RAB38: variants seen among roughly 807,000 people sequenced by gnomAD.
The protein encoded by RAB38 is ras-related protein Rab-38.
A neutral mutation model predicts 18.4 loss-of-function variants in RAB38; 15 were observed. The observed-to-expected ratio is 0.82, with a 90% CI of 0.55 to 1.26. The LOEUF (loss-of-function observed/expected upper bound fraction) is 1.26. RAB38 is among the 50% of genes most tolerant of loss of function. RAB38 has a pLI of 0.00. For missense variants in RAB38, 294 were observed against 267.4 expected, an observed-to-expected ratio of 1.10 and a Z score of -0.69; for synonymous variants, 101 against 104.4, an observed-to-expected ratio of 0.97 and a Z score of 0.20.
the RAB38 span, among the ~76,000 whole-genome samples, chr11:87,943,248 C>G: frequency 6.6e-6 from 1 of 152,130 alleles, no homozygotes; most frequent in Non-Finnish European, 1.5e-5. Flanking sequence ...GATTTGTTCA[C>G]TGTAGACCAT....
chr11:87,945,615 C>CAATT, the RAB38 span, among the ~76,000 whole-genome samples: 1 of 152,070 alleles, frequency 6.6e-6, no homozygotes, highest in Non-Finnish European at 1.5e-5. Flanking sequence ...AAGCCCATGC[C>CAATT]AATTAATTCA....
the RAB38 span, among the ~76,000 whole-genome samples, chr11:87,849,381 A>G: frequency 1.3e-5 from 2 of 152,130 alleles, no homozygotes; most frequent in East Asian, 3.8e-4. Context: ...CCATATATAG[A>G]ATTGGCAGCT....
the RAB38 span, among the ~76,000 whole-genome samples, chr11:87,922,411 C>G: frequency 6.6e-6 from 1 of 151,932 alleles, no homozygotes; most frequent in South Asian, 2.1e-4. Context: ...TCATGGAGAT[C>G]TAGTTTTTGT....
chr11:87,856,345 T>C, the RAB38 span, among the ~76,000 whole-genome samples: 1 of 152,178 alleles, frequency 6.6e-6, no homozygotes, highest in East Asian at 1.9e-4. Context: ...TTTTTAAAGA[T>C]GGAGGCAACA....
At chr11:87,911,392 C>T in the RAB38 span, among the ~76,000 whole-genome samples, 8 of 152,018 alleles carry the variant, frequency 5.3e-5, no homozygotes, top group East Asian at 2.0e-4. Context: ...TTTGAGTCTC[C>T]GAGTCCTTGA....
chr11:87,851,876 T>A, the RAB38 span, among the ~76,000 whole-genome samples: 2 of 151,948 alleles, frequency 1.3e-5, no homozygotes, highest in African/African-American at 4.8e-5. Flanking sequence ...GGTCTGAAAA[T>A]CAAACTAACA....
chr11:88,063,763 G>T, the RAB38 span, among the ~76,000 whole-genome samples: 1 of 152,140 alleles, frequency 6.6e-6, no homozygotes. Flanking sequence ...ATGCTCTCTT[G>T]CCTGCCATCA....
chr11:88,057,888 A>G, the RAB38 span, among the ~76,000 whole-genome samples: 1 of 151,978 alleles, frequency 6.6e-6, no homozygotes, highest in East Asian at 1.9e-4. Flanking sequence ...AACAGGAGGT[A>G]AAAATAACAG....
chr11:88,104,191 T>C, the RAB38 span, among the ~76,000 whole-genome samples: 12 of 152,234 alleles, frequency 7.9e-5, no homozygotes, highest in South Asian at 1.2e-3. Context: ...GCCATAGAAG[T>C]GGCGGCTTTT....
At chr11:87,940,042 G>C in the RAB38 span, among the ~76,000 whole-genome samples, 4 of 151,684 alleles carry the variant, frequency 2.6e-5, no homozygotes, top group Non-Finnish European at 4.4e-5. Flanking sequence ...CAGAAAAACA[G>C]TAGAAAAGAT....
the RAB38 span, among the ~76,000 whole-genome samples, chr11:87,932,461 C>G: frequency 5.3e-5 from 8 of 152,134 alleles, no homozygotes; most frequent in South Asian, 1.5e-3. Flanking sequence ...CATGGTGACT[C>G]TGCATGCTTA....
intron 1 of RAB38, among the ~76,000 whole-genome samples, chr11:88,169,612 T>G (rs1461129718): frequency 6.6e-6 from 1 of 152,152 alleles, no homozygotes; most frequent in Non-Finnish European, 1.5e-5. Context: ...CAAAGGAGAC[T>G]GAATTAGAGG....
the RAB38 span, among the ~76,000 whole-genome samples, chr11:88,059,610 T>C: frequency 6.6e-6 from 1 of 152,236 alleles, no homozygotes; most frequent in South Asian, 2.1e-4. Flanking sequence ...GTTTCAGTAT[T>C]TCTGTGAGAC....
chr11:87,853,288 T>A, the RAB38 span, among the ~76,000 whole-genome samples: 4 of 152,264 alleles, frequency 2.6e-5, no homozygotes, highest in South Asian at 4.2e-4. Context: ...GGTGGAGCCT[T>A]TGGGAGGCAA....
the RAB38 span, among the ~76,000 whole-genome samples, chr11:87,964,459 T>C: frequency 1.1e-4 from 16 of 152,152 alleles, no homozygotes; most frequent in Non-Finnish European, 2.4e-4. Context: ...TCTGCCCCTG[T>C]TGACTGGCCA....
In RAB38 at chr11:88,175,361, G is replaced by A; in HGVS notation, c.24C>T (p.His8=). 6 of 1,614,178 alleles carry A rather than the reference G, an allele frequency of 3.7e-6. No individual in the cohort carries two copies. The highest frequency in any genetic ancestry group is 2.2e-5 in the East Asian group (1 of 44,886). The part of the protein sequence containing the change: MQAPHKE[H]LYKLLVIGDL... ...CGCCAATCACCAGCAACTTGTACAG[G>A]TGCTCCTTGTGCGGGGCCTGCATCC... The change falls in exon 1 of 3, where the codon CAC becomes CAT. Residue 8 remains histidine (H), a synonymous_variant. Coordinates refer to ENST00000243662, the MANE Select transcript of RAB38 (RefSeq NM_022337.3).
chr11:87,940,602 C>CTA, the RAB38 span, among the ~76,000 whole-genome samples: 3 of 151,554 alleles, frequency 2.0e-5, no homozygotes, highest in African/African-American at 4.9e-5. Flanking sequence ...ATATCTATAT[C>CTA]TATATATATG....
At chr11:87,938,097 T>A in the RAB38 span, among the ~76,000 whole-genome samples, 1 of 152,140 alleles carries the variant, frequency 6.6e-6, no homozygotes, top group African/African-American at 2.4e-5. Flanking sequence ...TCGCTTTCTC[T>A]GTCATCTTGT....
the RAB38 span, among the ~76,000 whole-genome samples, chr11:87,861,125 A>T: frequency 6.6e-6 from 1 of 151,908 alleles, no homozygotes; most frequent in Admixed American, 6.6e-5. Flanking sequence ...GACAATATTG[A>T]AAATAAAGCC....
Sources: allele counts gnomAD v4.1 joint callset (sites outside exome capture counted in the v4.1 genomes callset), GRCh38; gene constraint gnomAD v4.1.1; transcripts MANE v1.5; gene names NCBI Gene and HGNC (gene_info 2026-07-23, HGNC 2026-07-21).